Variants in STPG2 observed in about 807,000 individuals in gnomAD.
STPG2 encodes the protein sperm-tail PG-rich repeat-containing protein 2.
In STPG2, 56 loss-of-function variants were observed where a neutral mutation model predicts 54.2. The ratio of observed to expected loss-of-function variants is 1.03; its 90% CI spans 0.83 to 1.29. STPG2 has a LOEUF of 1.29. Among genes scored for constraint, STPG2 ranks in the 50% most tolerant of loss-of-function variants. The pLI, the probability that STPG2 is intolerant of heterozygous loss-of-function variation, is 0.00. For synonymous variants in STPG2, 200 were observed against 181.8 expected (o/e 1.10, Z -0.81); for missense variants, 596 against 544.9 (o/e 1.09, Z -0.93).
chr4:97,958,653 T>TTATA, intron 7 of STPG2, among the ~76,000 whole-genome samples: 1 of 150,540 alleles, frequency 6.6e-6, no homozygotes, highest in East Asian at 1.9e-4. Flanking sequence ...AAAGAAGGCC[T>TTATA]TGTCCAACAG....
At chr4:97,808,818 C>A (rs1578583410) in intron 9 of STPG2, among the ~76,000 whole-genome samples, 1 of 150,504 alleles carries the variant, frequency 6.6e-6, no homozygotes, top group Non-Finnish European at 1.5e-5. Context: ...TTCATTGATA[C>A]CAGAATACAT....
At chr4:98,046,474 C>T (rs928716139) in intron 5 of STPG2, among the ~76,000 whole-genome samples, 1 of 152,098 alleles carries the variant, frequency 6.6e-6, no homozygotes, top group Admixed American at 6.6e-5. Context: ...AGGAGATGAA[C>T]CTAACCAATC....
intron 10 of STPG2, among the ~76,000 whole-genome samples, chr4:97,685,487 G>GA (rs1723160972): frequency 6.6e-6 from 1 of 152,046 alleles, no homozygotes; most frequent in South Asian, 2.1e-4. Context: ...TGATATTCTT[G>GA]AAAAAGCAAA....
At chr4:97,701,625 G>A (rs886331752) in intron 10 of STPG2, among the ~76,000 whole-genome samples, 4 of 152,094 alleles carry the variant, frequency 2.6e-5, no homozygotes, top group African/African-American at 9.7e-5. Flanking sequence ...TTGATTGAGG[G>A]GCCGTGATTC....
At chr4:97,700,766 T>C (rs1461874333) in intron 10 of STPG2, among the ~76,000 whole-genome samples, 1 of 152,214 alleles carries the variant, frequency 6.6e-6, no homozygotes, top group Admixed American at 6.5e-5. Flanking sequence ...TGTAAAGGTA[T>C]AATGCTGGCC....
chr4:97,636,687 A>G lies in STPG2; in HGVS notation c.1320+76012T>C, dbSNP rs573253127. Among the ~76,000 whole-genome samples, 25 of 152,316 alleles carry G rather than the reference A, an allele frequency of 1.6e-4. No individual in the cohort carries two copies. The South Asian group carries it at 5.2e-3, about 32-fold the overall frequency. ...TACCACCAATCCCACAGAAATACAA[A>G]CTACCATCAGAGAAAACTACAAACA... On this transcript the variant is annotated intron_variant, in intron 10 of 10. Transcript: ENST00000295268.
chr4:97,957,219 C>G (rs1202342330), intron 7 of STPG2, among the ~76,000 whole-genome samples: 1 of 126,040 alleles, frequency 7.9e-6, no homozygotes, highest in African/African-American at 2.8e-5. Flanking sequence ...ATGAAATAAA[C>G]AGTATAAATA....
At position 97,639,520 on chromosome 4, in the gene STPG2, A is replaced by T. The variant is rs531719777; in HGVS notation, c.1320+73179T>A. Among the ~76,000 whole-genome samples the T allele has an allele frequency of 5.9e-5, 9 of 152,160 alleles. No individual in the cohort carries two copies. The East Asian group carries it at 1.7e-3, about 29-fold the overall frequency. On this transcript the variant is annotated intron_variant, in intron 10 of 10. Coordinates refer to ENST00000295268, the MANE Select transcript of STPG2 (RefSeq NM_174952.3). ...TTAAAAAAATAAATTAAAAAAAAAA[A>T]ACTGATTCACGTAAGAACTTCAAAA...
chr4:97,878,520 G>A (rs1730258934), intron 8 of STPG2, among the ~76,000 whole-genome samples: 1 of 152,168 alleles, frequency 6.6e-6, no homozygotes, highest in African/African-American at 2.4e-5. Context: ...AAGCTGCCAA[G>A]GCTTGGAGCA....
At chr4:97,929,949 G>C (rs998635910) in intron 8 of STPG2, among the ~76,000 whole-genome samples, 1 of 151,992 alleles carries the variant, frequency 6.6e-6, no homozygotes, top group Admixed American at 6.6e-5. Flanking sequence ...CACCAGGCTG[G>C]AGTGCACTGG....
intron 5 of STPG2, among the ~76,000 whole-genome samples, chr4:98,030,157 T>C (rs1736548912): frequency 6.6e-6 from 1 of 152,192 alleles, no homozygotes; most frequent in Non-Finnish European, 1.5e-5. Context: ...ATGCCATCAA[T>C]ATACCAGACT....
At chr4:97,724,117 T>G (rs914862223) in intron 9 of STPG2, among the ~76,000 whole-genome samples, 2 of 152,242 alleles carry the variant, frequency 1.3e-5, no homozygotes, top group African/African-American at 2.4e-5. Context: ...CCATTTGTCT[T>G]GCTTTTGTGA....
intron 5 of STPG2, among the ~76,000 whole-genome samples, chr4:98,018,735 T>C (rs184454099): frequency 1.3e-5 from 2 of 151,992 alleles, no homozygotes; most frequent in East Asian, 1.9e-4. Context: ...TGGTATCTCA[T>C]TGTGGTTTTG....
At chr4:97,715,500 T>A (rs1014502235) in intron 9 of STPG2, among the ~76,000 whole-genome samples, 1 of 151,986 alleles carries the variant, frequency 6.6e-6, no homozygotes, top group Non-Finnish European at 1.5e-5. Flanking sequence ...AGTGAGTAAT[T>A]TAAAATAAAA....
At chr4:97,512,342 G>T (rs1276847843) in intron 4 of STPG2, among the ~76,000 whole-genome samples, 1 of 152,112 alleles carries the variant, frequency 6.6e-6, no homozygotes, top group Non-Finnish European at 1.5e-5. Flanking sequence ...ATGAGCAAAT[G>T]AGAGGGTAAT....
At chr4:98,119,329 C>T (rs2903143) in intron 3 of STPG2, among the ~76,000 whole-genome samples, 59,367 of 151,638 alleles carry the variant, frequency 0.39, 11,839 homozygotes, top group African/African-American at 0.45. Flanking sequence ...ATAATATATA[C>T]AAACCCATAA....
chr4:98,014,936 C>T (rs1485832896), intron 5 of STPG2, among the ~76,000 whole-genome samples: 2 of 152,228 alleles, frequency 1.3e-5, no homozygotes, highest in Middle Eastern at 3.4e-3. Context: ...ATCCCACTGT[C>T]TCCTGGCCTG....
rs546401375 is a variant in STPG2 at position 97,623,612 on chromosome 4, T to C, written c.1321-64495A>G. Among the ~76,000 whole-genome samples the C allele has an allele frequency of 7.9e-4, 120 of 152,238 alleles. 1 individual carries two copies. Among genetic ancestry groups the C allele is most frequent in the East Asian group, 1.7e-3 (9 of 5,180 alleles). On this transcript the variant is annotated intron_variant, in intron 10 of 10. Coordinates refer to ENST00000295268, the MANE Select transcript of STPG2 (RefSeq NM_174952.3). ...AAAATAACCAGCGCTGGAGAGGTAG[T>C]GGAGAAAAAATTTTTAAAAAATTTC... is the stretch of plus-strand genomic sequence containing the variant.
rs772346992 is a variant in STPG2 at position 98,029,200 on chromosome 4, T to TCC, written c.613-47883_613-47882insGG. 2.0e-4 allele frequency among the ~76,000 whole-genome samples: 31 copies of TCC among 152,234 alleles called. No homozygotes were observed. In the South Asian group the frequency reaches 2.7e-3, roughly 13 times the overall value. On this transcript the variant is annotated intron_variant, in intron 5 of 10. Transcript: ENST00000295268. Reference sequence around the variant, plus strand: ...GCATGTTCTATAAGTGCTTATTAGGTCACACTTGGCTAATAGTCCTGTTCA... The same window carrying TCC: ...GCATGTTCTATAAGTGCTTATTAGGTCCCACACTTGGCTAATAGTCCTGTTCA...
Sources: gnomAD v4.1 joint callset for allele counts (sites outside exome capture counted in the v4.1 genomes callset) on GRCh38, gnomAD v4.1.1 for gene constraint, MANE v1.5 for transcripts, NCBI Gene and HGNC (gene_info 2026-07-23, HGNC 2026-07-21) for gene names.